The following CDH13 variants were observed in gnomAD, a reference collection of about 807,000 sequenced individuals.
CDH13 encodes cadherin-13.
In CDH13, 24 loss-of-function variants were observed where a neutral mutation model predicts 63.8. The ratio of observed to expected loss-of-function variants is 0.38; its 90% CI spans 0.27 to 0.53. The LOEUF is 0.53. CDH13 is among the 20% of genes least tolerant of loss of function. The pLI, the probability that CDH13 is intolerant of heterozygous loss-of-function variation, is 0.85. For synonymous variants in CDH13, 503 were observed against 355.3 expected (o/e 1.42, Z -4.67); for missense variants, 1,049 against 903.1 (o/e 1.16, Z -2.07).
chr16:83,607,323 G>A (rs941344438), intron 8 of CDH13, among the ~76,000 whole-genome samples: 1 of 152,032 alleles, frequency 6.6e-6, no homozygotes, highest in Non-Finnish European at 1.5e-5. Flanking sequence ...GGGAGGCTTA[G>A]GCAGGAGAAT....
At chr16:82,643,034 A>T (rs1443625611) in intron 1 of CDH13, among the ~76,000 whole-genome samples, 1 of 152,224 alleles carries the variant, frequency 6.6e-6, no homozygotes, top group Admixed American at 6.5e-5. Context: ...AGATTAGAAG[A>T]TGTCTAGGGC....
intron 1 of CDH13, among the ~76,000 whole-genome samples, chr16:82,835,363 C>T (rs1008324022): frequency 6.6e-6 from 1 of 152,188 alleles, no homozygotes; most frequent in African/African-American, 2.4e-5. Flanking sequence ...TTGGTCTCTT[C>T]TTCCTTTTTA....
intron 1 of CDH13, among the ~76,000 whole-genome samples, chr16:82,666,112 C>T (rs912358917): frequency 6.6e-6 from 1 of 152,150 alleles, no homozygotes; most frequent in Non-Finnish European, 1.5e-5. Context: ...TGGCATCCCT[C>T]TCTGCCTATA....
At chr16:82,825,275 A>C (rs924408326) in intron 1 of CDH13, 19 of 152,198 alleles carry the variant, frequency 1.2e-4, no homozygotes, top group African/African-American at 4.3e-4. Flanking sequence ...CTTCCAAAGC[A>C]GTAAGGTGCA....
intron 6 of CDH13, among the ~76,000 whole-genome samples, chr16:83,466,557 C>A (rs2073321385): frequency 6.6e-6 from 1 of 152,164 alleles, no homozygotes; most frequent in South Asian, 2.1e-4. Context: ...AACACACTCC[C>A]CCTAATGACC....
At chr16:83,732,184 G>T (rs1052390395) in intron 10 of CDH13, among the ~76,000 whole-genome samples, 1 of 152,162 alleles carries the variant, frequency 6.6e-6, no homozygotes, top group South Asian at 2.1e-4. Context: ...TCACACAACC[G>T]GTGTGATTAC....
chr16:83,580,129 C>T (rs573770412), intron 7 of CDH13, among the ~76,000 whole-genome samples: 1 of 152,160 alleles, frequency 6.6e-6, no homozygotes, highest in Admixed American at 6.5e-5. Context: ...TGGTGCTGTC[C>T]ACAGAGTTTA....
chr16:83,399,440 C>T lies in CDH13; in HGVS notation c.781+54434C>T, dbSNP rs76839603. 3.0e-4 allele frequency among the ~76,000 whole-genome samples: 45 copies of T among 152,320 alleles called. 1 individual carries two copies. In the East Asian group the frequency reaches 8.7e-3, roughly 29 times the overall value. ...TCCAAAGTGTATTTGCTTACTGCAG[C>T]CCTTTCAGCTTCTCCCATCTGTCAG... On this transcript the variant is annotated intron_variant, in intron 6 of 13. Transcript: ENST00000567109.
In CDH13 at chr16:83,598,114, A is replaced by C. The variant is rs565048486; in HGVS notation, c.961-4340A>C. Among the ~76,000 whole-genome samples the C allele has an allele frequency of 1.3e-3, 203 of 152,288 alleles. 2 individuals are homozygous for C. Among genetic ancestry groups the C allele is most frequent in the African/African-American group, 4.4e-3 (181 of 41,580 alleles). On this transcript the variant is annotated intron_variant, in intron 7 of 13. Coordinates refer to ENST00000567109, the MANE Select transcript of CDH13 (RefSeq NM_001257.5). ...GGTGCAGTGGCTCATGCCTATAATC[A>C]CAGCACTTTGGGAGGCCAAGGTGGG...
At chr16:83,068,544 C>G (rs1227356764) in intron 3 of CDH13, among the ~76,000 whole-genome samples, 1 of 152,162 alleles carries the variant, frequency 6.6e-6, no homozygotes, top group African/African-American at 2.4e-5. Flanking sequence ...TTGTAACCAG[C>G]CTCTTTAAAC....
intron 2 of CDH13, chr16:82,954,540 G>A (rs1450915804): frequency 6.6e-6 from 1 of 151,964 alleles, no homozygotes; most frequent in Non-Finnish European, 1.5e-5. Context: ...GAATTTTTTT[G>A]CTCCCTGTGT....
At chr16:83,713,238 T>C (rs899897607) in intron 10 of CDH13, among the ~76,000 whole-genome samples, 3 of 152,222 alleles carry the variant, frequency 2.0e-5, no homozygotes, top group African/African-American at 4.8e-5. Context: ...GGGTCCTTCA[T>C]GGACGCATTG....
At chr16:82,696,771 CAAGT>C (rs1313466236) in intron 1 of CDH13, among the ~76,000 whole-genome samples, 1 of 152,144 alleles carries the variant, frequency 6.6e-6, no homozygotes, top group Non-Finnish European at 1.5e-5. Flanking sequence ...GGCTTACAAG[CAAGT>C]ATTATTACAG....
intron 2 of CDH13, among the ~76,000 whole-genome samples, chr16:83,015,575 G>T (rs1914675177): frequency 1.3e-5 from 2 of 149,816 alleles, no homozygotes; most frequent in Non-Finnish European, 3.0e-5. Context: ...ACTGTTTTCA[G>T]ATTACATCCA....
intron 10 of CDH13, among the ~76,000 whole-genome samples, chr16:83,695,998 T>G (rs1808094318): frequency 6.6e-6 from 1 of 151,726 alleles, no homozygotes; most frequent in Non-Finnish European, 1.5e-5. Context: ...CAAGGGATCC[T>G]CCCACCTCAG....
At chr16:83,104,403 C>T (rs548417220) in intron 3 of CDH13, among the ~76,000 whole-genome samples, 1 of 151,950 alleles carries the variant, frequency 6.6e-6, no homozygotes, top group South Asian at 2.1e-4. Context: ...CTCTGTAATG[C>T]GACAAAAAAC....
At chr16:82,859,541 G>C (rs1388433099) in intron 2 of CDH13, 1 of 151,764 alleles carries the variant, frequency 6.6e-6, no homozygotes, top group South Asian at 2.1e-4. Context: ...CTGGGTGACA[G>C]AGCGAGACTG....
At chr16:82,859,165 A>G (rs959631045) in intron 2 of CDH13, 1 of 152,276 alleles carries the variant, frequency 6.6e-6, no homozygotes, top group African/African-American at 2.4e-5. Flanking sequence ...GTGCAATAGA[A>G]TTTAAAATTG....
At chr16:83,469,526 C>T (rs1384327388) in intron 6 of CDH13, among the ~76,000 whole-genome samples, 3 of 152,188 alleles carry the variant, frequency 2.0e-5, no homozygotes, top group Admixed American at 6.5e-5. Flanking sequence ...CTTACATCCA[C>T]GGTGAGCCAC....
Sources: allele counts gnomAD v4.1 joint callset (sites outside exome capture counted in the v4.1 genomes callset), GRCh38; gene constraint gnomAD v4.1.1; transcripts MANE v1.5; gene names NCBI Gene and HGNC (gene_info 2026-07-23, HGNC 2026-07-21).